The following SFXN5 variants were observed in gnomAD, a reference collection of about 807,000 sequenced individuals.
The protein encoded by SFXN5 is sideroflexin 5.
In SFXN5, 43 loss-of-function variants were observed where a neutral mutation model predicts 50.2. That is an observed-to-expected ratio of 0.86 (90% CI 0.67 to 1.11). The LOEUF (loss-of-function observed/expected upper bound fraction) is 1.11. SFXN5 is among the 50% of genes least tolerant of loss of function. The pLI is 0.00. For missense variants in SFXN5, 463 were observed against 454.1 expected, an observed-to-expected ratio of 1.02 and a Z score of -0.18; for synonymous variants, 203 against 185.8, an observed-to-expected ratio of 1.09 and a Z score of -0.75.
At chr2:73,047,245 A>ATATATATATATATATATATATATACACAC (rs1346764962) in intron 2 of SFXN5, among the ~76,000 whole-genome samples, 1 of 18,924 alleles carries the variant, frequency 5.3e-5, no homozygotes, top group Admixed American at 1.5e-3. Context: ...AAAAAAAAAA[A>ATATATATATATATATATATATATACACAC]ATATATATAT....
At chr2:72,985,162 G>T (rs145986345) in intron 10 of SFXN5, among the ~76,000 whole-genome samples, 1 of 152,296 alleles carries the variant, frequency 6.6e-6, no homozygotes, top group East Asian at 1.9e-4. Flanking sequence ...TCACTGCTCA[G>T]TGAGTCCTGT....
At chr2:72,957,005 T>C (rs562164877) in intron 13 of SFXN5, 80 of 456,790 alleles carry the variant, frequency 1.8e-4, no homozygotes, top group African/African-American at 1.5e-3. Flanking sequence ...CCCCTCCTCT[T>C]TGAATCGCCC....
At chr2:73,034,104 T>C (rs922705209) in intron 3 of SFXN5, among the ~76,000 whole-genome samples, 1 of 152,190 alleles carries the variant, frequency 6.6e-6, no homozygotes, top group Non-Finnish European at 1.5e-5. Context: ...AGGCAGATCA[T>C]CCAGGAGGCC....
chr2:73,035,829 T>C (rs942874760), intron 3 of SFXN5, among the ~76,000 whole-genome samples: 5 of 152,004 alleles, frequency 3.3e-5, no homozygotes, highest in African/African-American at 1.2e-4. Flanking sequence ...AAGGTAACGG[T>C]CCCTGGAGGA....
chr2:73,048,613 TTA>T (rs757409813), intron 2 of SFXN5, among the ~76,000 whole-genome samples: 20 of 152,352 alleles, frequency 1.3e-4, no homozygotes, highest in Non-Finnish European at 2.6e-4. Flanking sequence ...CTTTAGACTT[TTA>T]TATGTCTTCC....
chr2:72,951,726 G>T (rs1429332736), intron 13 of SFXN5, among the ~76,000 whole-genome samples: 1 of 151,488 alleles, frequency 6.6e-6, no homozygotes, highest in East Asian at 1.9e-4. Flanking sequence ...GGGCTGGGGG[G>T]GTGGGGTGTT....
chr2:72,950,677 C>A lies in SFXN5; in HGVS notation c.946-5578G>T, dbSNP rs1317661123. On this transcript the variant is annotated intron_variant, in intron 13 of 13. Coordinates refer to ENST00000272433, the MANE Select transcript of SFXN5 (RefSeq NM_144579.3). This position sits in a 1 kb window ranked among gnomAD's most constrained non-coding sequence, Gnocchi z 4.2. ...GGGGCCAAGTTTTCTCCAAGGGAAC[C>A]ACATCTAGGGCCTTGCCTGGCAGTG... 6.6e-6 allele frequency among the ~76,000 whole-genome samples: 1 copy of A among 152,242 alleles called. No homozygotes were observed. Among genetic ancestry groups the A allele is most frequent in the Non-Finnish European group, 1.5e-5 (1 of 68,038 alleles).
chr2:72,966,386 C>T (rs1261993222), intron 12 of SFXN5, among the ~76,000 whole-genome samples: 1 of 152,206 alleles, frequency 6.6e-6, no homozygotes, highest in Admixed American at 6.5e-5. Flanking sequence ...CGCTTGCTCC[C>T]TGTGTGTACT....
At chr2:73,018,051 T>C (rs1314864525) in intron 6 of SFXN5, among the ~76,000 whole-genome samples, 3 of 152,044 alleles carry the variant, frequency 2.0e-5, no homozygotes, top group Non-Finnish European at 4.4e-5. Flanking sequence ...AAAAAAATTT[T>C]TGAGAAGTTA....
intron 10 of SFXN5, among the ~76,000 whole-genome samples, chr2:72,976,960 G>A (rs554350315): frequency 7.0e-4 from 107 of 152,234 alleles, no homozygotes; most frequent in South Asian, 2.1e-3. Flanking sequence ...TTCTACCCCC[G>A]CCCGAGATTA....
At chr2:73,006,810 A>G (rs1167096053) in intron 6 of SFXN5, among the ~76,000 whole-genome samples, 2 of 152,138 alleles carry the variant, frequency 1.3e-5, no homozygotes, top group Non-Finnish European at 2.9e-5. Flanking sequence ...TTCACCAGGG[A>G]TGCTGGCTCC....
At chr2:73,032,184 C>T (rs974462355) in intron 3 of SFXN5, among the ~76,000 whole-genome samples, 1 of 152,122 alleles carries the variant, frequency 6.6e-6, no homozygotes, top group African/African-American at 2.4e-5. Context: ...GTCAAGAGTT[C>T]GACGGGACAT....
chr2:73,047,285 T>TATATATATATATATATATATATACACAC (rs1268079277), intron 2 of SFXN5, among the ~76,000 whole-genome samples: 30 of 92,492 alleles, frequency 3.2e-4, no homozygotes, highest in East Asian at 7.5e-4. Context: ...TACACACATA[T>TATATATATATATATATATATATACACAC]ATATATATAT....
At chr2:73,033,614 G>A (rs944858397) in intron 3 of SFXN5, among the ~76,000 whole-genome samples, 1 of 152,242 alleles carries the variant, frequency 6.6e-6, no homozygotes, top group Non-Finnish European at 1.5e-5. Flanking sequence ...TGAGGCAGAA[G>A]TGGGCCTGTC....
Position 73,022,882 on chromosome 2 carries a change from T to C in SFXN5, c.276+306A>G, listed in dbSNP as rs1239884545. On this transcript the variant is annotated intron_variant, in intron 4 of 13. Transcript: ENST00000272433. ...AGTCCATGGGGAACGGGATCGTGTC[T>C]ACCTTGCAGGCCCTCTACCCCCATT... Among the ~76,000 whole-genome samples the C allele has an allele frequency of 1.7e-4, 26 of 152,228 alleles. 1 individual carries two copies. The highest frequency in any genetic ancestry group is 1.5e-5 in the Non-Finnish European group (1 of 68,036).
Position 72,953,178 on chromosome 2 carries a change from GC to G in SFXN5, c.945+7952del, listed in dbSNP as rs1430478099. ...TGACAGGTGGCGTTGGCGTTCCTGG[GC>G]TCTGAGCGGCTTTGCCATTCCCATC... On this transcript the variant is annotated intron_variant, in intron 13 of 13. Transcript: ENST00000272433. This position sits in a 1 kb window ranked among gnomAD's most constrained non-coding sequence, Gnocchi z 4.1. Among the ~76,000 whole-genome samples, 1 of 152,194 alleles carries G rather than the reference GC, an allele frequency of 6.6e-6. No individual in the cohort carries two copies. The highest frequency in any genetic ancestry group is 2.4e-5 in the African/African-American group (1 of 41,454).
At chr2:72,969,697 CT>C (rs35747238) in intron 11 of SFXN5, among the ~76,000 whole-genome samples, 11,547 of 141,848 alleles carry the variant, frequency 0.081, 907 homozygotes, top group African/African-American at 0.21. Flanking sequence ...GCCCGGCCTA[CT>C]TTTTTTTTTT....
At chr2:73,007,775 T>C (rs1403027069) in intron 6 of SFXN5, among the ~76,000 whole-genome samples, 3 of 152,172 alleles carry the variant, frequency 2.0e-5, no homozygotes, top group Non-Finnish European at 4.4e-5. Flanking sequence ...TGTCCTGTTT[T>C]TTCCTTCTAC....
intron 13 of SFXN5, among the ~76,000 whole-genome samples, chr2:72,955,005 T>G (rs1479568716): frequency 6.6e-6 from 1 of 152,092 alleles, no homozygotes; most frequent in Non-Finnish European, 1.5e-5. Flanking sequence ...AGAGTTGAGG[T>G]AGAGGGATGC....
Sources: allele counts gnomAD v4.1 joint callset (sites outside exome capture counted in the v4.1 genomes callset), GRCh38; gene constraint gnomAD v4.1.1; non-coding constraint Gnocchi (gnomAD v3.1); transcripts MANE v1.5; gene names NCBI Gene and HGNC (gene_info 2026-07-23, HGNC 2026-07-21).